Variants in PATJ observed in about 807,000 individuals in gnomAD.
The protein encoded by PATJ is PATJ crumbs cell polarity complex component.
A neutral mutation model predicts 224.9 loss-of-function variants in PATJ; 190 were observed. The ratio of observed to expected loss-of-function variants is 0.84; its 90% CI spans 0.75 to 0.95. The LOEUF is 0.95. Among genes scored for constraint, PATJ ranks in the 40% least tolerant of loss-of-function variants. The pLI, the probability that PATJ is intolerant of heterozygous loss-of-function variation, is 0.00. For missense variants in PATJ, 2,121 were observed against 2,270.3 expected (o/e 0.93, Z 1.34); for synonymous variants, 769 against 820.3 (o/e 0.94, Z 1.07).
chr1:62,128,296 A>T (rs1418995275), intron 40 of PATJ: 2 of 527,226 alleles, frequency 3.8e-6, no homozygotes, highest in African/African-American at 3.8e-5. Flanking sequence ...TTTGTATCAA[A>T]GCTTCTCCAT....
intron 3 of PATJ, among the ~76,000 whole-genome samples, chr1:61,765,445 G>A (rs148720615): frequency 3.3e-5 from 5 of 151,496 alleles, no homozygotes; most frequent in African/African-American, 9.7e-5. Context: ...GTGCAGTGGT[G>A]CAATCTCGGC....
Position 62,162,921 on chromosome 1 carries a change from T to C in PATJ, c.*1867T>C. ...AAGTTCGTGCCACTCCACTCCAGCC[T>C]GGGTGACAGAGCAAGACTCTGTCTC... On this transcript the variant is annotated 3_prime_UTR_variant, in exon 44 of 44. Transcript: ENST00000642238. The C allele has an allele frequency of 2.6e-6, 1 of 383,510 alleles. No homozygotes were observed. The highest frequency in any genetic ancestry group is 5.1e-6 in the Non-Finnish European group (1 of 195,468). 23.8% of individuals were successfully genotyped at this position (383,510 alleles called of 1,614,324 possible).
chr1:61,890,747 T>C (rs1235222785), intron 22 of PATJ, among the ~76,000 whole-genome samples: 1 of 152,128 alleles, frequency 6.6e-6, no homozygotes, highest in Non-Finnish European at 1.5e-5. Context: ...CCTCCCACCT[T>C]GGCCTCCCAA....
intron 27 of PATJ, among the ~76,000 whole-genome samples, chr1:61,972,408 T>A (rs145051465): frequency 9.2e-5 from 14 of 152,140 alleles, no homozygotes; most frequent in African/African-American, 3.4e-4. Flanking sequence ...CTGATGTTCT[T>A]TCTCATAATA....
At chr1:61,831,328 C>T (rs1034417715) in intron 16 of PATJ, among the ~76,000 whole-genome samples, 3 of 151,916 alleles carry the variant, frequency 2.0e-5, no homozygotes, top group Non-Finnish European at 4.4e-5. Context: ...CAAAAATTGA[C>T]AAGTGGGACT....
intron 26 of PATJ, among the ~76,000 whole-genome samples, chr1:61,922,950 A>C (rs944575827): frequency 6.6e-6 from 1 of 152,268 alleles, no homozygotes; most frequent in Non-Finnish European, 1.5e-5. Context: ...TGGGAACAAG[A>C]TAATGTAATC....
intron 14 of PATJ, among the ~76,000 whole-genome samples, chr1:61,810,683 C>T (rs1001511295): frequency 1.3e-5 from 2 of 148,530 alleles, no homozygotes; most frequent in Admixed American, 1.4e-4. Flanking sequence ...GGCAACAGAG[C>T]GAGACTCTGT....
At chr1:62,109,911 G>A (rs1663589063) in intron 34 of PATJ, among the ~76,000 whole-genome samples, 1 of 152,086 alleles carries the variant, frequency 6.6e-6, no homozygotes, top group African/African-American at 2.4e-5. Context: ...CCTCAATAAG[G>A]ATTTTTTTAA....
At chr1:61,949,527 T>A (rs1277090070) in intron 27 of PATJ, among the ~76,000 whole-genome samples, 2 of 152,196 alleles carry the variant, frequency 1.3e-5, no homozygotes, top group African/African-American at 4.8e-5. Context: ...TAATTTTAAA[T>A]TAAAGAATCA....
intron 17 of PATJ, among the ~76,000 whole-genome samples, chr1:61,834,884 A>G (rs966908676): frequency 7.9e-5 from 12 of 152,040 alleles, no homozygotes; most frequent in Non-Finnish European, 1.6e-4. Context: ...GCCTACCACT[A>G]CACCTGGCTA....
In PATJ at chr1:62,106,327, C is replaced by T. The variant is rs977536215; in HGVS notation, c.4378-2110C>T. Among the ~76,000 whole-genome samples, 6 of 148,742 alleles carry T rather than the reference C, an allele frequency of 4.0e-5. No homozygotes were observed. The East Asian group carries it at 1.2e-3, about 29-fold the overall frequency. ...CTCTACTTAAAAAAAAAAAATTGTCCAGCCATGGTTGTGCACACGTATAGT... is the reference window on the plus strand; with the variant it reads ...CTCTACTTAAAAAAAAAAAATTGTCTAGCCATGGTTGTGCACACGTATAGT... On this transcript the variant is annotated intron_variant, in intron 33 of 43. Coordinates refer to ENST00000642238, the MANE Select transcript of PATJ (RefSeq NM_001350145.3).
intron 38 of PATJ, among the ~76,000 whole-genome samples, chr1:62,121,895 A>G (rs1022088665): frequency 1.3e-5 from 2 of 152,166 alleles, no homozygotes; most frequent in Non-Finnish European, 2.9e-5. Flanking sequence ...AATAAATTAC[A>G]GGTCACTGGA....
rs888607486 is a variant in PATJ at position 62,018,735 on chromosome 1, C to T, written c.3959+788C>T. Among the ~76,000 whole-genome samples the T allele has an allele frequency of 9.9e-5, 15 of 152,126 alleles. No homozygotes were observed. The highest frequency in any genetic ancestry group is 3.6e-4 in the African/African-American group (15 of 41,434). The stretch of plus-strand genomic sequence containing the variant: ...TGATATTTCAGAAATTGAAAATGCT[C>T]AATACAACATCTAGCATAGAGTAAG... On this transcript the variant is annotated intron_variant, in intron 29 of 43. Transcript: ENST00000642238. This position sits in a 1 kb window ranked among gnomAD's most constrained non-coding sequence, Gnocchi z 4.2.
At chr1:62,059,578 G>A (rs1039930547) in intron 31 of PATJ, among the ~76,000 whole-genome samples, 1 of 151,510 alleles carries the variant, frequency 6.6e-6, no homozygotes, top group Non-Finnish European at 1.5e-5. Context: ...GATTGCGCCA[G>A]TTCACTCCAG....
At chr1:62,105,528 C>T (rs192709855) in intron 33 of PATJ, among the ~76,000 whole-genome samples, 54 of 152,242 alleles carry the variant, frequency 3.5e-4, no homozygotes, top group Non-Finnish European at 5.7e-4. Context: ...CAGGGATCAC[C>T]GCAAGCCACT....
intron 9 of PATJ, among the ~76,000 whole-genome samples, chr1:61,794,717 G>C (rs1650677937): frequency 6.6e-6 from 1 of 152,026 alleles, no homozygotes; most frequent in Admixed American, 6.6e-5. Flanking sequence ...GCCAGGCGTG[G>C]TGACTCACAC....
chr1:62,105,784 A>G (rs1249473891), intron 33 of PATJ, among the ~76,000 whole-genome samples: 1 of 152,082 alleles, frequency 6.6e-6, no homozygotes, highest in Non-Finnish European at 1.5e-5. Flanking sequence ...GTATAGTGAT[A>G]AAATGAAAGT....
intron 38 of PATJ, among the ~76,000 whole-genome samples, chr1:62,122,685 C>T (rs12405496): frequency 0.17 from 26,145 of 151,770 alleles, 3,670 homozygotes; most frequent in East Asian, 0.72. Flanking sequence ...ATTAGCCGGG[C>T]GTGGTGGCAG....
intron 27 of PATJ, among the ~76,000 whole-genome samples, chr1:61,940,498 C>T (rs1454582191): frequency 6.6e-6 from 1 of 152,028 alleles, no homozygotes; most frequent in Admixed American, 6.6e-5. Context: ...GGGCGGATCA[C>T]GAGGTCAAGA....
Sources: allele counts gnomAD v4.1 joint callset (sites outside exome capture counted in the v4.1 genomes callset), GRCh38; gene constraint gnomAD v4.1.1; non-coding constraint Gnocchi (gnomAD v3.1); transcripts MANE v1.5; gene names NCBI Gene and HGNC (gene_info 2026-07-23, HGNC 2026-07-21).